Variants in METTL15 observed in about 807,000 individuals in gnomAD.
METTL15 encodes the protein methyltransferase 15, mitochondrial 12S rRNA N4-cytidine, also known as 12S rRNA N(4)-cytidine methyltransferase METTL15.
METTL15 carries 34 observed loss-of-function variants against 38.3 expected under a neutral mutation model. That is an observed-to-expected ratio of 0.89 (90% CI 0.68 to 1.18). METTL15 has a LOEUF of 1.18. METTL15 is among the 50% of genes most tolerant of loss of function. The pLI is 0.00. For missense variants in METTL15, 438 were observed against 498.4 expected (o/e 0.88, Z 1.15); for synonymous variants, 162 against 170.9 (o/e 0.95, Z 0.41).
intron 4 of METTL15, among the ~76,000 whole-genome samples, chr11:28,219,217 A>T (rs1853064603): frequency 2.0e-5 from 3 of 152,158 alleles, no homozygotes; most frequent in Non-Finnish European, 4.4e-5. Context: ...TAAGCTATTA[A>T]TTATTGCCTC....
chr11:28,425,348 C>T (rs1220194293), intron 6 of METTL15, among the ~76,000 whole-genome samples: 2 of 152,204 alleles, frequency 1.3e-5, no homozygotes, highest in Non-Finnish European at 2.9e-5. Flanking sequence ...GAAGTCCAGA[C>T]TCCTGAATGT....
chr11:28,249,234 A>G (rs1854636454), intron 4 of METTL15, among the ~76,000 whole-genome samples: 1 of 151,992 alleles, frequency 6.6e-6, no homozygotes, highest in Non-Finnish European at 1.5e-5. Context: ...TGAGGATAAC[A>G]GTGGTACCTA....
At chr11:28,310,951 TGGTGGTGGTGGTG>T (rs1857266781) in intron 6 of METTL15, among the ~76,000 whole-genome samples, 1 of 92,616 alleles carries the variant, frequency 1.1e-5, no homozygotes, top group African/African-American at 4.3e-5. Flanking sequence ...GTGGTGGTGG[TGGTGGTGGTGGTG>T]GGTGTGTGTG....
chr11:28,478,105 G>C (rs545098653), intron 6 of METTL15, among the ~76,000 whole-genome samples: 1 of 151,918 alleles, frequency 6.6e-6, no homozygotes, highest in African/African-American at 2.4e-5. Context: ...ATTTTATTTT[G>C]TTATTTTAGA....
intron 4 of METTL15, among the ~76,000 whole-genome samples, chr11:28,268,826 A>G (rs374608851): frequency 3.9e-5 from 6 of 152,316 alleles, no homozygotes; most frequent in African/African-American, 1.4e-4. Flanking sequence ...GCAGTGTAAG[A>G]ATCACTTTGT....
At chr11:28,342,347 T>C (rs1319573704) in intron 3 of METTL15, among the ~76,000 whole-genome samples, 1 of 152,130 alleles carries the variant, frequency 6.6e-6, no homozygotes, top group Non-Finnish European at 1.5e-5. Flanking sequence ...CACTCAGCCT[T>C]AACCTCCCAG....
intron 5 of METTL15, among the ~76,000 whole-genome samples, chr11:28,395,402 G>T (rs1041312843): frequency 6.6e-6 from 1 of 152,062 alleles, no homozygotes; most frequent in Non-Finnish European, 1.5e-5. Flanking sequence ...AGACTGAACA[G>T]AGATTATTTT....
At chr11:28,276,901 A>G (rs927210370) in intron 4 of METTL15, among the ~76,000 whole-genome samples, 3 of 152,200 alleles carry the variant, frequency 2.0e-5, no homozygotes, top group South Asian at 2.1e-4. Context: ...CTCTCTTCAT[A>G]TATAAAAATC....
intron 4 of METTL15, among the ~76,000 whole-genome samples, chr11:28,281,809 T>C (rs1856066121): frequency 6.6e-6 from 1 of 152,176 alleles, no homozygotes; most frequent in Non-Finnish European, 1.5e-5. Context: ...GAGATGAATA[T>C]GTCTGCAACT....
At chr11:28,495,887 A>C (rs758405577) in intron 6 of METTL15, among the ~76,000 whole-genome samples, 1 of 152,162 alleles carries the variant, frequency 6.6e-6, no homozygotes, top group Non-Finnish European at 1.5e-5. Context: ...CATGTTGAGA[A>C]ATGAACCCAA....
intron 4 of METTL15, among the ~76,000 whole-genome samples, chr11:28,360,827 G>C (rs11030295): frequency 5.3e-5 from 6 of 113,832 alleles, no homozygotes; most frequent in Admixed American, 1.9e-4. Flanking sequence ...CCCCACAACA[G>C]TCCCCAGAGT....
intron 3 of METTL15, among the ~76,000 whole-genome samples, chr11:28,131,047 C>T (rs933976405): frequency 5.9e-5 from 9 of 152,004 alleles, no homozygotes; most frequent in African/African-American, 2.2e-4. Flanking sequence ...TGTAGCTCAC[C>T]CATTAAGTGC....
In METTL15 at chr11:28,367,207, A is replaced by AC. The variant is rs1850194591; in HGVS notation, c.*358+5171_*358+5172insC. 2.6e-5 allele frequency among the ~76,000 whole-genome samples: 4 copies of AC among 152,018 alleles called. No homozygotes were observed. In the South Asian group the frequency reaches 8.3e-4, roughly 32 times the overall value. The stretch of plus-strand genomic sequence containing the variant: ...AGATGTCTAGGAGCCACTGAGAAAA[A>AC]AAAAAAAAGGAGAGCTAGGCAGCTT... On this transcript the variant is annotated intron_variant and NMD_transcript_variant, in intron 5 of 7. Coordinates refer to the METTL15 transcript ENST00000532947.
At chr11:28,368,395 G>A (rs1355319173) in intron 5 of METTL15, among the ~76,000 whole-genome samples, 1 of 151,920 alleles carries the variant, frequency 6.6e-6, no homozygotes, top group Non-Finnish European at 1.5e-5. Context: ...ACAGACATAC[G>A]AAAAAAAGCT....
chr11:28,306,006 C>A (rs1392221310), intron 6 of METTL15, among the ~76,000 whole-genome samples: 1 of 152,090 alleles, frequency 6.6e-6, no homozygotes, highest in East Asian at 1.9e-4. Context: ...GAGTCCGATT[C>A]TAGGACCTAA....
intron 4 of METTL15, among the ~76,000 whole-genome samples, chr11:28,267,584 A>G (rs1362679958): frequency 6.6e-6 from 1 of 152,222 alleles, no homozygotes; most frequent in East Asian, 1.9e-4. Flanking sequence ...CAGCTCCATG[A>G]GGGTAGAACT....
chr11:28,472,996 G>C (rs747892453), intron 6 of METTL15, among the ~76,000 whole-genome samples: 37 of 152,108 alleles, frequency 2.4e-4, no homozygotes, highest in Admixed American at 1.7e-3. Flanking sequence ...GTACTTCATA[G>C]GTTCTTACTA....
rs140619017 is a variant in METTL15, at chr11:28,133,394, A to G, written c.270+19790A>G. Among the ~76,000 whole-genome samples, 724 of 152,282 alleles carry G rather than the reference A, an allele frequency of 4.8e-3. 5 individuals carry two copies. Among genetic ancestry groups the G allele is most frequent in the Middle Eastern group, 0.014 (4 of 294 alleles). ...CACTTTAGGTCTTGGCATTTGATCA[A>G]TTGAGGAAGATTTTGAAAAAAATAT... On this transcript the variant is annotated intron_variant, in intron 3 of 6. Transcript: ENST00000407364.
At chr11:28,179,352 C>T (rs1204481334) in intron 3 of METTL15, among the ~76,000 whole-genome samples, 3 of 151,688 alleles carry the variant, frequency 2.0e-5, no homozygotes, top group Non-Finnish European at 4.4e-5. Flanking sequence ...TATAAAAATA[C>T]AGACGTTTTA....
Sources: gnomAD v4.1 joint callset for allele counts (sites outside exome capture counted in the v4.1 genomes callset) on GRCh38, gnomAD v4.1.1 for gene constraint, MANE v1.5 for transcripts, NCBI Gene and HGNC (gene_info 2026-07-23, HGNC 2026-07-21) for gene names.